The following THRAP3 variants were observed in gnomAD, a reference collection of about 807,000 sequenced individuals.
THRAP3 encodes thyroid hormone receptor associated protein 3.
Under a neutral mutation model 101.0 loss-of-function variants are expected in THRAP3, and 16 were observed. That is an observed-to-expected ratio of 0.16 (90% CI 0.11 to 0.24). THRAP3 has a LOEUF of 0.24. Among genes scored for constraint, THRAP3 ranks in the 10% least tolerant of loss-of-function variants. The pLI, the probability that THRAP3 is intolerant of heterozygous loss-of-function variation, is 1.00. For synonymous variants in THRAP3, 407 were observed against 422.6 expected, an observed-to-expected ratio of 0.96 and a Z score of 0.45; for missense variants, 989 against 1,202.7, an observed-to-expected ratio of 0.82 and a Z score of 2.63.
rs1430804999 is a variant in THRAP3, at chr1:36,286,951, G to C, written c.721G>C (p.Glu241Gln). Residue 241 changes from glutamate (E) to glutamine (Q), a missense_variant, in exon 4 of 12, where the codon GAG (glutamate) becomes CAG (glutamine). Glu to Gln is a conservative substitution (Grantham distance 29). Transcript: ENST00000354618. This position sits in a 1 kb window ranked among gnomAD's most constrained non-coding sequence, Gnocchi z 5.5. ...GSASRASAVS[E>Q]LSPRERSPAL... The stretch of plus-strand genomic sequence containing the variant: ...TGCATCACGGGCCTCAGCAGTTTCT[G>C]AGCTGAGTCCTCGGGAGCGAAGCCC... The C allele has an allele frequency of 6.2e-7, 1 of 1,614,222 alleles. No individual in the cohort carries two copies.
chr1:36,276,960 T>A (rs937849711), intron 2 of THRAP3, among the ~76,000 whole-genome samples: 5 of 152,314 alleles, frequency 3.3e-5, no homozygotes, highest in Middle Eastern at 3.4e-3. Context: ...ACACTTTTTT[T>A]AATTTTTATT....
At chr1:36,256,428 T>C (rs1645376424) in intron 1 of THRAP3, among the ~76,000 whole-genome samples, 1 of 151,808 alleles carries the variant, frequency 6.6e-6, no homozygotes, top group Non-Finnish European at 1.5e-5. Flanking sequence ...GGTTTCACCA[T>C]GTTAGCCAGG....
chr1:36,268,193 G>A (rs1048813087), intron 2 of THRAP3, among the ~76,000 whole-genome samples: 2 of 151,492 alleles, frequency 1.3e-5, no homozygotes, highest in African/African-American at 4.8e-5. Flanking sequence ...AAAAAAAAAA[G>A]AAAGGAATTA....
chr1:36,287,364 G>T, intron 4 of THRAP3, 94 bp downstream of exon 4: 1 of 1,423,254 alleles, frequency 7.0e-7, no homozygotes, highest in Non-Finnish European at 9.3e-7. Flanking sequence ...CTGATTAATG[G>T]TAAAAGGTAA....
At chr1:36,219,436 AT>A (rs976970288), upstream of THRAP3, among the ~76,000 whole-genome samples, 4 of 151,880 alleles carry the variant, frequency 2.6e-5, no homozygotes, top group Admixed American at 6.6e-5. Context: ...TTTTATTTTT[AT>A]TTTTTTAGAT....
intron 3 of THRAP3, among the ~76,000 whole-genome samples, chr1:36,285,273 CT>C (rs1645781053): frequency 6.6e-6 from 1 of 152,134 alleles, no homozygotes. Context: ...AAAGAGTTTT[CT>C]AGTAAATTTT....
intron 9 of THRAP3, among the ~76,000 whole-genome samples, chr1:36,300,201 G>A (rs1646014884): frequency 6.6e-6 from 1 of 152,192 alleles, no homozygotes; most frequent in Non-Finnish European, 1.5e-5. Context: ...AATAACTCTG[G>A]GAGAGTTGCG....
At chr1:36,292,497 C>A (rs1225487746) in intron 6 of THRAP3, 101 bp from the exon 7 acceptor site, 1 of 786,326 alleles carries the variant, frequency 1.3e-6, no homozygotes, top group African/African-American at 1.8e-5. Flanking sequence ...GTCTCGATCT[C>A]TTGACCTCGT....
chr1:36,297,885 G>A (rs1358435800), intron 9 of THRAP3, among the ~76,000 whole-genome samples: 1 of 151,286 alleles, frequency 6.6e-6, no homozygotes, highest in East Asian at 2.0e-4. Context: ...AGTGGCTCAT[G>A]CCTGTAATCC....
At chr1:36,274,493 C>CT (rs1181324379) in intron 2 of THRAP3, among the ~76,000 whole-genome samples, 3 of 151,804 alleles carry the variant, frequency 2.0e-5, no homozygotes, top group Non-Finnish European at 2.9e-5. Flanking sequence ...GGAGGACTCA[C>CT]TTTTTTTTAT....
At chr1:36,295,034 ACCT>A (rs1162983116) in intron 8 of THRAP3, among the ~76,000 whole-genome samples, 2 of 151,840 alleles carry the variant, frequency 1.3e-5, no homozygotes, top group Non-Finnish European at 2.9e-5. Context: ...CACCAGCCTG[ACCT>A]ACATGGTGAA....
At position 36,272,969 on chromosome 1, in the gene THRAP3, AATT is replaced by A. The variant is rs199606873; in HGVS notation, c.-31-9560_-31-9558del. On this transcript the variant is annotated intron_variant, in intron 2 of 11. Transcript: ENST00000354618. Reference sequence around the variant, plus strand: ...TAATATTTGATAAACTGATTTTTAAAATTATTGTTCCTTCTTGTGAAGAGAATG... The same window carrying A: ...TAATATTTGATAAACTGATTTTTAAAATTGTTCCTTCTTGTGAAGAGAATG... 4.0e-3 allele frequency among the ~76,000 whole-genome samples: 602 copies of A among 152,330 alleles called. 4 individuals carry two copies. Among genetic ancestry groups the A allele is most frequent in the East Asian group, 0.03 (157 of 5,190 alleles).
chr1:36,287,372 T>C (rs1188267650), intron 4 of THRAP3, 102 bp downstream of exon 4: 2 of 1,408,306 alleles, frequency 1.4e-6, no homozygotes, highest in Non-Finnish European at 1.9e-6. Flanking sequence ...TGGTAAAAGG[T>C]AATCCCTATT....
chr1:36,210,886 T>C, the THRAP3 span, among the ~76,000 whole-genome samples: 5 of 147,638 alleles, frequency 3.4e-5, no homozygotes, highest in African/African-American at 1.3e-4. Flanking sequence ...TTGCTTAGTT[T>C]GAGATGTGGT....
At chr1:36,246,729 C>G (rs915945018) in intron 1 of THRAP3, among the ~76,000 whole-genome samples, 5 of 151,980 alleles carry the variant, frequency 3.3e-5, no homozygotes, top group African/African-American at 1.2e-4. Context: ...GTAGTCCCAG[C>G]TGCTCGGGAG....
intron 1 of THRAP3, among the ~76,000 whole-genome samples, chr1:36,230,242 C>A (rs747611304): frequency 5.3e-5 from 8 of 151,936 alleles, no homozygotes; most frequent in Non-Finnish European, 1.2e-4. Context: ...CCTCAGCCTC[C>A]CGAGTAGCTG....
At chr1:36,233,289 C>T (rs893411852) in intron 1 of THRAP3, among the ~76,000 whole-genome samples, 17 of 151,378 alleles carry the variant, frequency 1.1e-4, no homozygotes, top group Non-Finnish European at 2.2e-4. Flanking sequence ...GGGCGGATCA[C>T]GAGGTCAGGA....
At chr1:36,211,350 G>A in the THRAP3 span, among the ~76,000 whole-genome samples, 1 of 150,324 alleles carries the variant, frequency 6.7e-6, no homozygotes. Context: ...GACAGAGTGA[G>A]TCCAGGTCTC....
chr1:36,226,853 G>T (rs1644967916), intron 1 of THRAP3, among the ~76,000 whole-genome samples: 2 of 152,186 alleles, frequency 1.3e-5, no homozygotes, highest in South Asian at 4.1e-4. Context: ...GACAGATGAG[G>T]TCTTGTCTTT....
Sources: gnomAD v4.1 joint callset for allele counts (sites outside exome capture counted in the v4.1 genomes callset) on GRCh38, gnomAD v4.1.1 for gene constraint, Gnocchi (gnomAD v3.1) non-coding constraint, MANE v1.5 for transcripts, NCBI Gene and HGNC (gene_info 2026-07-23, HGNC 2026-07-21) for gene names.